DNAH6: variants seen among roughly 807,000 people sequenced by gnomAD.
DNAH6 encodes the protein axonemal beta dynein heavy chain 6.
DNAH6 carries 340 observed loss-of-function variants against 491.4 expected under a neutral mutation model. The observed-to-expected ratio is 0.69, with a 90% CI of 0.63 to 0.76. The LOEUF is 0.76. DNAH6 is among the 30% of genes least tolerant of loss of function. DNAH6 has a pLI of 0.00. For synonymous variants in DNAH6, 1,603 were observed against 1,686.1 expected (o/e 0.95, Z 1.21); for missense variants, 4,443 against 4,972.2 (o/e 0.89, Z 3.20).
Position 84,713,140 on chromosome 2 carries a change from C to T in DNAH6, c.9424C>T (p.Gln3142Ter). The change falls in exon 57 of 77, where the codon CAA (glutamine) becomes TAA (stop). Residue 3142 changes from glutamine to a stop codon, truncating the protein, a stop_gained. Transcript: ENST00000389394. LOFTEE classifies it high-confidence loss of function. ...DPALEPILLK[Q>*]IFISGGRLLI... ...AGCTCTAGAACCCATTCTTTTGAAA[C>T]AAATTTTTATCAGTGGTGGCCGACT... 1.3e-6 allele frequency: 2 copies of T among 1,551,702 alleles called. No homozygotes were observed. The highest frequency in any genetic ancestry group is 8.7e-7 in the Non-Finnish European group (1 of 1,146,954).
At position 84,547,258 on chromosome 2, in the gene DNAH6, T is replaced by C; in HGVS notation, c.931-10T>C. The stretch of plus-strand genomic sequence containing the variant: ...TTTTTACTAAATAATAAATTCCTAT[T>C]TTCATTCAGCATTTGCGACCAGCTC... On this transcript the variant is annotated splice_polypyrimidine_tract_variant and intron_variant, in intron 5 of 76. Transcript: ENST00000389394. 6.6e-7 allele frequency: 1 copy of C among 1,515,776 alleles called. No individual in the cohort carries two copies. The highest frequency in any genetic ancestry group is 8.9e-7 in the Non-Finnish European group (1 of 1,129,620). 93.9% of individuals were successfully genotyped at this position (1,515,776 alleles called of 1,614,324 possible).
At chr2:84,485,852 T>C in the DNAH6 span, among the ~76,000 whole-genome samples, 1 of 151,902 alleles carries the variant, frequency 6.6e-6, no homozygotes, top group South Asian at 2.1e-4. Flanking sequence ...CCTGCTCATC[T>C]GTGGGACTTG....
chr2:84,656,061 C>A (rs919195474), intron 35 of DNAH6, among the ~76,000 whole-genome samples: 4 of 152,060 alleles, frequency 2.6e-5, no homozygotes, highest in African/African-American at 9.7e-5. Flanking sequence ...TAGTACATAG[C>A]CTTTTCAGAC....
intron 60 of DNAH6, among the ~76,000 whole-genome samples, chr2:84,725,260 A>G (rs1474454835): frequency 6.6e-6 from 1 of 152,102 alleles, no homozygotes; most frequent in Admixed American, 6.5e-5. Context: ...CTTATTTAGT[A>G]CCCTCGATAA....
At chr2:84,583,438 C>G (rs1234668050) in intron 14 of DNAH6, among the ~76,000 whole-genome samples, 2 of 152,164 alleles carry the variant, frequency 1.3e-5, no homozygotes, top group African/African-American at 4.8e-5. Context: ...AATAATTTAC[C>G]TCCTAACCTG....
At chr2:84,624,126 C>T in intron 26 of DNAH6, 139 bp from the exon 27 acceptor site, 1 of 713,032 alleles carries the variant, frequency 1.4e-6, no homozygotes, top group South Asian at 2.1e-5. Flanking sequence ...AAGTATTGTC[C>T]TGTTTGGTCA....
rs906267143 is a variant in DNAH6 at position 84,686,537 on chromosome 2, A to G, written c.7117A>G (p.Ile2373Val). Reference protein sequence around the residue: ...DLEYFLNKPIIFGDFIKFGAD... With the variant: ...DLEYFLNKPIVFGDFIKFGAD... ...GGAATATTTTTTGAATAAGCCCATC[A>G]TATTTGGAGATTTCATTAAGGCAAG... The change falls in exon 44 of 77, where the codon ATA becomes GTA. Residue 2373 changes from isoleucine (I) to valine (V), a missense_variant. Ile to Val is a conservative substitution (Grantham distance 29). Coordinates refer to ENST00000389394, the MANE Select transcript of DNAH6 (RefSeq NM_001370.2). 3.3e-6 allele frequency: 5 copies of G among 1,532,078 alleles called. No individual in the cohort carries two copies. Among genetic ancestry groups the G allele is most frequent in the Admixed American group, 2.0e-5 (1 of 50,258 alleles). The allele number at this position is 1,532,078 out of a possible 1,614,324, so 94.9% of individuals were successfully genotyped here.
At chr2:84,506,333 T>G in the DNAH6 span, among the ~76,000 whole-genome samples, 2 of 151,828 alleles carry the variant, frequency 1.3e-5, no homozygotes, top group Non-Finnish European at 3.0e-5. Context: ...GTGAGCATTT[T>G]TTCGTGTGTT....
the DNAH6 span, among the ~76,000 whole-genome samples, chr2:84,506,504 C>T: frequency 6.6e-6 from 1 of 152,090 alleles, no homozygotes; most frequent in Non-Finnish European, 1.5e-5. Context: ...AAAATTTTCT[C>T]CTATTCTGTA....
At chr2:84,683,762 A>G (rs371705386) in intron 42 of DNAH6, among the ~76,000 whole-genome samples, 6 of 152,046 alleles carry the variant, frequency 3.9e-5, no homozygotes, top group Non-Finnish European at 8.8e-5. Context: ...ACTAACATGT[A>G]TAAGTTTGTT....
At chr2:84,653,297 G>T in intron 33 of DNAH6, 22 bp from the exon 34 acceptor site, 1 of 1,472,774 alleles carries the variant, frequency 6.8e-7, no homozygotes, top group South Asian at 1.4e-5. Flanking sequence ...GTTCCTAATT[G>T]ATTTTATTTT....
chr2:84,745,667 A>AAAAAAAAAAAAAAAAAAAAAAC, intron 63 of DNAH6, among the ~76,000 whole-genome samples: 1 of 144,792 alleles, frequency 6.9e-6, no homozygotes, highest in Non-Finnish European at 1.5e-5. Context: ...CACTGTCTCA[A>AAAAAAAAAAAAAAAAAAAAAAC]AAAAAAAAAA....
At chr2:84,547,676 T>C in intron 7 of DNAH6, 64 bp downstream of exon 7, 1 of 1,475,006 alleles carries the variant, frequency 6.8e-7, no homozygotes, top group Non-Finnish European at 9.2e-7. Flanking sequence ...CAGCCCTTTT[T>C]TATTTGACTT....
intron 37 of DNAH6, among the ~76,000 whole-genome samples, chr2:84,664,431 A>G (rs1418015228): frequency 1.3e-5 from 2 of 152,202 alleles, no homozygotes; most frequent in Non-Finnish European, 2.9e-5. Flanking sequence ...AAAACAAAAA[A>G]AAAGCAGGGG....
the DNAH6 span, among the ~76,000 whole-genome samples, chr2:84,494,137 G>A: frequency 6.6e-6 from 1 of 152,176 alleles, no homozygotes; most frequent in South Asian, 2.1e-4. Context: ...CTAGGAGAAG[G>A]GGATTGGGGA....
At chr2:84,601,043 A>ATTT (rs1685182233) in intron 18 of DNAH6, among the ~76,000 whole-genome samples, 1 of 148,052 alleles carries the variant, frequency 6.8e-6, no homozygotes, top group African/African-American at 2.5e-5. Context: ...ATTATACTAT[A>ATTT]ATAATAATGT....
chr2:84,722,600 A>G, intron 59 of DNAH6, 25 bp from the exon 60 acceptor site: 1 of 1,524,696 alleles, frequency 6.6e-7, no homozygotes, highest in Non-Finnish European at 8.8e-7. Context: ...GATCCCTAAG[A>G]ACTTGTTATT....
intron 11 of DNAH6, among the ~76,000 whole-genome samples, chr2:84,572,960 A>C (rs1402460490): frequency 6.6e-6 from 1 of 152,236 alleles, no homozygotes; most frequent in East Asian, 1.9e-4. Flanking sequence ...CAAGTTTAAG[A>C]GGGGTGAAGA....
In DNAH6 at chr2:84,680,130, C is replaced by T. The variant is rs959143326; in HGVS notation, c.6745-1227C>T. On this transcript the variant is annotated intron_variant, in intron 41 of 76. Coordinates refer to ENST00000389394, the MANE Select transcript of DNAH6 (RefSeq NM_001370.2). ...CCCAGGAGGGGATACCTAAAGAGGT[C>T]ATCCTCACAAGTTAAAGCAAATGTT... Among the ~76,000 whole-genome samples the T allele has an allele frequency of 7.2e-5, 11 of 152,146 alleles. 1 individual carries two copies. Among genetic ancestry groups the T allele is most frequent in the Admixed American group, 3.9e-4 (6 of 15,270 alleles).
Sources: allele counts gnomAD v4.1 joint callset (sites outside exome capture counted in the v4.1 genomes callset), GRCh38; gene constraint gnomAD v4.1.1; transcripts MANE v1.5; gene names NCBI Gene and HGNC (gene_info 2026-07-23, HGNC 2026-07-21).